GPHN: variants seen among roughly 807,000 people sequenced by gnomAD.
GPHN encodes gephyrin.
In GPHN, 17 loss-of-function variants were observed where a neutral mutation model predicts 95.5. The ratio of observed to expected loss-of-function variants is 0.18; its 90% CI spans 0.12 to 0.27. GPHN has a LOEUF of 0.27. GPHN is among the 10% of genes least tolerant of loss of function. GPHN has a pLI of 1.00. For synonymous variants in GPHN, 320 were observed against 322.5 expected (o/e 0.99, Z 0.08); for missense variants, 660 against 978.1 (o/e 0.67, Z 4.34).
chr14:66,683,852 C>T (rs1009528070), intron 2 of GPHN, among the ~76,000 whole-genome samples: 1 of 151,242 alleles, frequency 6.6e-6, no homozygotes, highest in African/African-American at 2.4e-5. Context: ...TGGCGGGCAC[C>T]TGTAGTCCCA....
At chr14:67,210,170 A>G in the GPHN span, among the ~76,000 whole-genome samples, 7 of 152,270 alleles carry the variant, frequency 4.6e-5, no homozygotes, top group Non-Finnish European at 8.8e-5. Context: ...GTAGCGTTTC[A>G]TATGGAAAAC....
intron 20 of GPHN, 58 bp from the exon 21 acceptor site, chr14:67,168,872 CATA>C (rs769879325): frequency 1.2e-4 from 124 of 1,047,114 alleles, no homozygotes; most frequent in Non-Finnish European, 1.7e-4. Context: ...TATAGACAGA[CATA>C]ATTATTTGGC....
the GPHN span, chr14:67,335,938 A>G: frequency 2.6e-5 from 4 of 152,226 alleles, no homozygotes; most frequent in African/African-American, 9.6e-5. Flanking sequence ...CTACAACACA[A>G]AATACTTTTT....
the GPHN span, chr14:67,733,943 C>T: frequency 1.1e-6 from 1 of 901,608 alleles, no homozygotes; most frequent in South Asian, 1.4e-5. Context: ...TCCTCTTGGC[C>T]AGCTGGTGCT....
At chr14:67,152,794 A>G (rs1051024214) in intron 18 of GPHN, among the ~76,000 whole-genome samples, 1 of 151,006 alleles carries the variant, frequency 6.6e-6, no homozygotes, top group Admixed American at 6.6e-5. Flanking sequence ...GGGAAACCCC[A>G]TCTCTACTAA....
chr14:66,636,733 A>G (rs1219101762), intron 1 of GPHN, among the ~76,000 whole-genome samples: 1 of 152,162 alleles, frequency 6.6e-6, no homozygotes, highest in Non-Finnish European at 1.5e-5. Context: ...AGAAATCAGG[A>G]TGCTTGCAAC....
At chr14:67,636,290 C>T in the GPHN span, among the ~76,000 whole-genome samples, 1 of 151,426 alleles carries the variant, frequency 6.6e-6, no homozygotes, top group Non-Finnish European at 1.5e-5. Context: ...AACAAAAAAA[C>T]AAAACCTTAC....
intron 11 of GPHN, among the ~76,000 whole-genome samples, chr14:67,076,910 C>G (rs915540076): frequency 6.6e-6 from 1 of 152,136 alleles, no homozygotes; most frequent in African/African-American, 2.4e-5. Context: ...GAATCAATTT[C>G]CTGGACCACT....
chr14:67,359,686 C>T, the GPHN span: 1 of 1,614,064 alleles, frequency 6.2e-7, no homozygotes, highest in South Asian at 1.1e-5. Flanking sequence ...TCAATTCGGT[C>T]TTTGCCCGAC....
intron 1 of GPHN, among the ~76,000 whole-genome samples, chr14:66,524,449 C>A (rs12433426): frequency 0.13 from 19,778 of 151,928 alleles, 1,802 homozygotes; most frequent in East Asian, 0.37. Context: ...TAGAGCATTG[C>A]CAAAGATAAG....
the GPHN span, chr14:67,224,665 C>A: frequency 3.1e-6 from 1 of 322,198 alleles, no homozygotes; most frequent in Non-Finnish European, 6.0e-6. Flanking sequence ...GGGCTTATCT[C>A]TGATTCTTTG....
the GPHN span, among the ~76,000 whole-genome samples, chr14:67,423,166 T>C: frequency 5.3e-5 from 8 of 152,030 alleles, no homozygotes; most frequent in African/African-American, 1.9e-4. Context: ...TCATCATCAG[T>C]GTCTTCTGCT....
chr14:66,929,005 G>T (rs1217137553), intron 8 of GPHN, among the ~76,000 whole-genome samples: 1 of 149,770 alleles, frequency 6.7e-6, no homozygotes, highest in African/African-American at 2.5e-5. Flanking sequence ...TATTCCATAA[G>T]TATCTATTAG....
the GPHN span, among the ~76,000 whole-genome samples, chr14:67,291,702 A>C: frequency 9.9e-5 from 15 of 152,258 alleles, no homozygotes; most frequent in Non-Finnish European, 2.2e-4. Flanking sequence ...AGTACAACTT[A>C]GGAGACTCAC....
chr14:66,792,438 A>G (rs1428024237), intron 3 of GPHN, among the ~76,000 whole-genome samples: 3 of 152,096 alleles, frequency 2.0e-5, no homozygotes, highest in Non-Finnish European at 2.9e-5. Flanking sequence ...ACTTAAGCCC[A>G]GAAAGCAGAA....
chr14:67,338,850 T>C, the GPHN span: 2 of 1,206,934 alleles, frequency 1.7e-6, no homozygotes, highest in South Asian at 3.4e-5. Flanking sequence ...ACAAGGATAA[T>C]AAACACATAC....
intron 2 of GPHN, among the ~76,000 whole-genome samples, chr14:66,697,242 T>A (rs1333591322): frequency 6.6e-6 from 1 of 152,200 alleles, no homozygotes; most frequent in African/African-American, 2.4e-5. Context: ...AAAATAATAT[T>A]GTCAATGATG....
At chr14:67,247,591 T>G in the GPHN span, among the ~76,000 whole-genome samples, 2 of 152,186 alleles carry the variant, frequency 1.3e-5, no homozygotes, top group Non-Finnish European at 2.9e-5. Flanking sequence ...GTTCACTTTT[T>G]TTTTTTAAGA....
the GPHN span, among the ~76,000 whole-genome samples, chr14:67,485,798 C>T: frequency 1.1e-4 from 16 of 152,360 alleles, 1 homozygote; most frequent in South Asian, 3.3e-3. Flanking sequence ...AGTTAGGAGC[C>T]TCTCACCCTA....
Sources: allele counts gnomAD v4.1 joint callset (sites outside exome capture counted in the v4.1 genomes callset), GRCh38; gene constraint gnomAD v4.1.1; transcripts MANE v1.5; gene names NCBI Gene and HGNC (gene_info 2026-07-23, HGNC 2026-07-21).